ADAMTS6: variants seen among roughly 807,000 people sequenced by gnomAD.
The protein encoded by ADAMTS6 is ADAM metallopeptidase with thrombospondin type 1 motif 6, also known as A disintegrin and metalloproteinase with thrombospondin motifs 6.
Under a neutral mutation model 144.3 loss-of-function variants are expected in ADAMTS6, and 23 were observed. The observed-to-expected ratio is 0.16, with a 90% CI of 0.11 to 0.23. The LOEUF (loss-of-function observed/expected upper bound fraction) is 0.23, where lower values mean the gene tolerates loss of function less well. ADAMTS6 is among the 10% of genes least tolerant of loss of function. ADAMTS6 has a pLI of 1.00. For synonymous variants in ADAMTS6, 444 were observed against 457.5 expected (o/e 0.97, Z 0.38); for missense variants, 999 against 1,379.6 (o/e 0.72, Z 4.37).
chr5:65,287,607 T>C (rs1018568058), intron 11 of ADAMTS6, among the ~76,000 whole-genome samples: 14 of 152,180 alleles, frequency 9.2e-5, no homozygotes, highest in Admixed American at 7.9e-4. Flanking sequence ...CTCAGCTCAC[T>C]GCAACCCCCG....
rs561258668 is a variant in ADAMTS6 at position 65,264,098 on chromosome 5, G to A, written c.1621-1136C>T. On this transcript the variant is annotated intron_variant, in intron 12 of 24. Transcript: ENST00000381055. ...ACTCTAGATCAAACTGGCAAATGGAGTAGCTTCTTACCTGATCATTGTGCT... is the reference window on the plus strand; with the variant it reads ...ACTCTAGATCAAACTGGCAAATGGAATAGCTTCTTACCTGATCATTGTGCT... Among the ~76,000 whole-genome samples, 5 of 152,270 alleles carry A rather than the reference G, an allele frequency of 3.3e-5. No homozygotes were observed. In the South Asian group the frequency reaches 8.3e-4, roughly 25 times the overall value.
chr5:65,331,762 G>T (rs1205892015), intron 8 of ADAMTS6, among the ~76,000 whole-genome samples: 1 of 151,800 alleles, frequency 6.6e-6, no homozygotes, highest in Non-Finnish European at 1.5e-5. Context: ...ATATGAAAGT[G>T]ACTAGAATAC....
intron 20 of ADAMTS6, among the ~76,000 whole-genome samples, chr5:65,197,681 A>G (rs1425928069): frequency 6.6e-6 from 1 of 152,222 alleles, no homozygotes; most frequent in Non-Finnish European, 1.5e-5. Context: ...TCTCTCTAAA[A>G]GCCCATTCAT....
intron 3 of ADAMTS6, among the ~76,000 whole-genome samples, chr5:65,460,999 T>C (rs1759604851): frequency 1.3e-5 from 2 of 152,212 alleles, no homozygotes; most frequent in Admixed American, 6.5e-5. Context: ...ACACATCCCA[T>C]ACATCCCCCA....
chr5:65,268,089 C>G (rs907235098), intron 12 of ADAMTS6, among the ~76,000 whole-genome samples: 3 of 152,184 alleles, frequency 2.0e-5, no homozygotes, highest in African/African-American at 7.2e-5. Flanking sequence ...AAATTAAGAA[C>G]TAAGGCTGCA....
intron 7 of ADAMTS6, among the ~76,000 whole-genome samples, chr5:65,444,903 GCT>G (rs1450802383): frequency 2.6e-5 from 4 of 152,242 alleles, no homozygotes; most frequent in African/African-American, 9.6e-5. Flanking sequence ...CTGTGCTTCA[GCT>G]CTCTCTTCTC....
chr5:65,288,934 C>T (rs1004916672), intron 11 of ADAMTS6, among the ~76,000 whole-genome samples: 2 of 152,126 alleles, frequency 1.3e-5, no homozygotes, highest in African/African-American at 4.8e-5. Flanking sequence ...TAGGGATTCA[C>T]CAGATATAAA....
At chr5:65,182,237 G>C (rs1032989747) in intron 22 of ADAMTS6, among the ~76,000 whole-genome samples, 13 of 151,910 alleles carry the variant, frequency 8.6e-5, no homozygotes, top group African/African-American at 3.1e-4. Context: ...ATGAGGTCAG[G>C]AGTTTGAGAC....
At chr5:65,376,850 TA>T (rs551696536) in intron 7 of ADAMTS6, among the ~76,000 whole-genome samples, 60 of 145,838 alleles carry the variant, frequency 4.1e-4, no homozygotes, top group East Asian at 2.6e-3. Context: ...ATTAAAAAGC[TA>T]AAAAAAAAAA....
intron 9 of ADAMTS6, among the ~76,000 whole-genome samples, chr5:65,312,965 A>T (rs555230102): frequency 6.6e-6 from 1 of 152,118 alleles, no homozygotes; most frequent in Admixed American, 6.5e-5. Context: ...AATGTTGCTG[A>T]ATTAGTTAAT....
intron 22 of ADAMTS6, among the ~76,000 whole-genome samples, chr5:65,181,010 T>C (rs545499706): frequency 6.6e-6 from 1 of 152,084 alleles, no homozygotes; most frequent in African/African-American, 2.4e-5. Context: ...TCCTTACAAC[T>C]CTCCTATGAG....
chr5:65,203,955 G>A (rs6864345), intron 20 of ADAMTS6, among the ~76,000 whole-genome samples: 101,893 of 152,040 alleles, frequency 0.67, 34,916 homozygotes, highest in African/African-American at 0.82. Context: ...AAGTTTTTCA[G>A]TGACTGAATA....
intron 7 of ADAMTS6, among the ~76,000 whole-genome samples, chr5:65,429,665 C>A (rs1756842798): frequency 6.6e-6 from 1 of 152,044 alleles, no homozygotes; most frequent in Admixed American, 6.5e-5. Context: ...TGTTTACCAT[C>A]ATACTACTGA....
In ADAMTS6 at chr5:65,225,055, CAG is replaced by C. The variant is rs1561298981; in HGVS notation, c.2068-10_2068-9del. On this transcript the variant is annotated splice_polypyrimidine_tract_variant and intron_variant, in intron 16 of 24. Coordinates refer to ENST00000381055, the MANE Select transcript of ADAMTS6 (RefSeq NM_197941.4). Reference sequence around the variant, plus strand: ...ATTATCACAGCCTACGTGCTGAAAACAGAGAGGAATATTCAGTGTGTCAAGAG... The same window carrying C: ...ATTATCACAGCCTACGTGCTGAAAACAGAGGAATATTCAGTGTGTCAAGAG... 1 of 1,612,520 alleles carries C rather than the reference CAG, an allele frequency of 6.2e-7. No individual in the cohort carries two copies. The highest frequency in any genetic ancestry group is 8.5e-7 in the Non-Finnish European group (1 of 1,179,374).
chr5:65,302,379 T>C (rs1743525889), intron 9 of ADAMTS6, among the ~76,000 whole-genome samples: 1 of 147,044 alleles, frequency 6.8e-6, no homozygotes, highest in South Asian at 2.1e-4. Flanking sequence ...AAATATATAT[T>C]ATACATAAAT....
At chr5:65,257,537 T>C (rs1027543748) in intron 14 of ADAMTS6, among the ~76,000 whole-genome samples, 4 of 152,196 alleles carry the variant, frequency 2.6e-5, no homozygotes, top group Non-Finnish European at 1.5e-5. Flanking sequence ...TCAATCATTC[T>C]TACCAATATC....
At chr5:65,198,596 C>T (rs1053054452) in intron 20 of ADAMTS6, 10 of 167,100 alleles carry the variant, frequency 6.0e-5, no homozygotes, top group African/African-American at 9.7e-5. Flanking sequence ...AAGCTCATGA[C>T]ACTTAAATCC....
rs181392160 is a variant in ADAMTS6, at chr5:65,201,211, G to T, written c.2576-4060C>A. Among the ~76,000 whole-genome samples the T allele has an allele frequency of 3.8e-4, 58 of 152,268 alleles. 1 individual carries two copies. The South Asian group carries it at 5.4e-3, about 14-fold the overall frequency. ...GTTCTTACTCTAGGGGGTGGTGATG[G>T]TTCAAGTGAGTCCCAGTCTGAGCAA... On this transcript the variant is annotated intron_variant, in intron 20 of 24. Transcript: ENST00000381055.
chr5:65,183,160 C>T (rs1754465275), intron 22 of ADAMTS6, among the ~76,000 whole-genome samples: 1 of 152,202 alleles, frequency 6.6e-6, no homozygotes, highest in East Asian at 1.9e-4. Flanking sequence ...CAGAGATGTT[C>T]AAGCAGAGAA....
Sources: gnomAD v4.1 joint callset for allele counts (sites outside exome capture counted in the v4.1 genomes callset) on GRCh38, gnomAD v4.1.1 for gene constraint, MANE v1.5 for transcripts, NCBI Gene and HGNC (gene_info 2026-07-23, HGNC 2026-07-21) for gene names.